Variants in SETDB2 observed in about 807,000 individuals in gnomAD.
The protein encoded by SETDB2 is histone-lysine N-methyltransferase SETDB2.
In SETDB2, 56 loss-of-function variants were observed where a neutral mutation model predicts 82.5. That is an observed-to-expected ratio of 0.68 (90% CI 0.55 to 0.85). The LOEUF (loss-of-function observed/expected upper bound fraction) is 0.85. SETDB2 is among the 40% of genes least tolerant of loss of function. The pLI, the probability that SETDB2 is intolerant of heterozygous loss-of-function variation, is 0.00. For missense variants in SETDB2, 677 were observed against 816.4 expected (o/e 0.83, Z 2.08); for synonymous variants, 272 against 284.9 (o/e 0.95, Z 0.46).
At chr13:49,446,420 C>T (rs1372746316) in intron 1 of SETDB2, 2 of 456,378 alleles carry the variant, frequency 4.4e-6, no homozygotes, top group Non-Finnish European at 8.8e-6. Flanking sequence ...CACTCCTCTC[C>T]CTCCCTACTC....
chr13:49,459,371 G>A (rs1410590453), intron 2 of SETDB2, among the ~76,000 whole-genome samples: 1 of 152,140 alleles, frequency 6.6e-6, no homozygotes, highest in African/African-American at 2.4e-5. Flanking sequence ...TTTCTAAAAT[G>A]CAATTATTAC....
intron 5 of SETDB2, among the ~76,000 whole-genome samples, chr13:49,468,694 A>G (rs1228872602): frequency 6.6e-6 from 1 of 151,312 alleles, no homozygotes; most frequent in Non-Finnish European, 1.5e-5. Flanking sequence ...TTTGATTTTC[A>G]TGCCTGTGAG....
intron 9 of SETDB2, among the ~76,000 whole-genome samples, 195 bp from the exon 10 acceptor site, chr13:49,483,269 T>C (rs73491283): frequency 0.028 from 4,249 of 152,212 alleles, 208 homozygotes; most frequent in African/African-American, 0.098. Context: ...TTCTCTTCCT[T>C]TTCCAAATGT....
At chr13:49,452,237 G>C (rs993744551) in intron 2 of SETDB2, among the ~76,000 whole-genome samples, 1 of 151,856 alleles carries the variant, frequency 6.6e-6, no homozygotes, top group African/African-American at 2.4e-5. Flanking sequence ...ACAGCCTCCT[G>C]AGTAGCTGGG....
At chr13:49,467,808 A>ATAGCAAATGGTTTT in intron 4 of SETDB2, 56 bp from the exon 5 acceptor site, 1 of 1,350,474 alleles carries the variant, frequency 7.4e-7, no homozygotes, top group Non-Finnish European at 1.0e-6. Context: ...TTGGGTACTT[A>ATAGCAAATGGTTTT]TAGCAAATGG....
chr13:49,461,310 T>C (rs1957987822), intron 4 of SETDB2, 148 bp downstream of exon 4: 1 of 566,994 alleles, frequency 1.8e-6, no homozygotes, highest in Non-Finnish European at 3.0e-6. Flanking sequence ...CACAGTTTCC[T>C]CTGTTAAATG....
chr13:49,457,377 A>G (rs1267587784), intron 2 of SETDB2, among the ~76,000 whole-genome samples: 1 of 135,438 alleles, frequency 7.4e-6, no homozygotes, highest in African/African-American at 3.0e-5. Context: ...TTTTTTAATA[A>G]CTCATTTTAA....
intron 1 of SETDB2, among the ~76,000 whole-genome samples, chr13:49,449,011 C>T (rs1343242658): frequency 1.3e-5 from 2 of 152,088 alleles, no homozygotes; most frequent in African/African-American, 2.4e-5. Flanking sequence ...TTATTTGATA[C>T]GTTTCTTCTT....
rs1408214032 is a variant in SETDB2 at position 49,494,013 on chromosome 13, C to G, written c.*2164C>G. The G allele has an allele frequency of 1.3e-5, 2 of 152,100 alleles. No individual in the cohort carries two copies. The highest frequency in any genetic ancestry group is 4.8e-5 in the African/African-American group (2 of 41,416). 9.4% of individuals were successfully genotyped at this position (152,100 alleles called of 1,614,324 possible). A position where few individuals can be genotyped will look rare whatever the true frequency, so the allele number is the denominator to read the frequency against. ...CCATCTCTTCACTGTTTCTGGAATT[C>G]CTGTTTTCCAGATGTTAGACCTCCA... On this transcript the variant is annotated 3_prime_UTR_variant, in exon 14 of 14. Coordinates refer to ENST00000611815, the MANE Select transcript of SETDB2 (RefSeq NM_001160308.3).
chr13:49,463,093 C>A (rs1026365398), intron 4 of SETDB2, among the ~76,000 whole-genome samples: 1 of 152,130 alleles, frequency 6.6e-6, no homozygotes. Context: ...GCAACCTCCC[C>A]CTCCCAGGTT....
At chr13:49,452,065 G>C (rs915423268) in intron 2 of SETDB2, among the ~76,000 whole-genome samples, 156 bp downstream of exon 2, 2 of 151,766 alleles carry the variant, frequency 1.3e-5, no homozygotes, top group Non-Finnish European at 2.9e-5. Context: ...CACCAATTTT[G>C]ACTGTCTTTA....
At chr13:49,480,815 G>A (rs1351484839) in intron 7 of SETDB2, 132 bp from the exon 8 acceptor site, 5 of 807,966 alleles carry the variant, frequency 6.2e-6, no homozygotes, top group Non-Finnish European at 9.7e-6. Context: ...GCTGTGATGG[G>A]AACCCAGGCA....
chr13:49,460,176 A>G lies in SETDB2; in HGVS notation c.86A>G (p.Gln29Arg). Residue 29 changes from glutamine to arginine, a missense_variant, in exon 3 of 14, where the codon CAA becomes CGA. Gln to Arg is a conservative substitution (Grantham distance 43). Around this residue, in one of 3 missense-constraint regions of SETDB2, gnomAD observed 243 missense variants for 237.2 expected, o/e 1.02. Transcript: ENST00000611815. ...GKVDFIFEQV[Q>R]NVLQSLKQKI... ...GTGGACTTCATTTTTGAACAAGTAC[A>G]AAATGTGCTGCAGTCACTGAAACAA... The G allele has an allele frequency of 6.2e-7, 1 of 1,613,496 alleles. No homozygotes were observed. The highest frequency in any genetic ancestry group is 1.3e-5 in the African/African-American group (1 of 75,030).
intron 2 of SETDB2, among the ~76,000 whole-genome samples, chr13:49,457,361 CT>C (rs752477717): frequency 1.8e-3 from 197 of 106,926 alleles, no homozygotes; most frequent in African/African-American, 5.7e-3. Flanking sequence ...ATTTCTAAGA[CT>C]TTTTTTTTTT....
Position 49,467,961 on chromosome 13 carries a change from G to GT in SETDB2, c.305+2dup. 1 of 1,574,536 alleles carries GT rather than the reference G, an allele frequency of 6.4e-7. No homozygotes were observed. The highest frequency in any genetic ancestry group is 8.6e-7 in the Non-Finnish European group (1 of 1,156,594). On this transcript the variant is annotated splice_donor_variant, in intron 5 of 13. Transcript: ENST00000611815. LOFTEE classifies it high-confidence loss of function. ...CCTTTCCAGAAGACTGTACATTTCT[G>GT]TATGTATATAAATTCTTTGTTATTA...
intron 4 of SETDB2, among the ~76,000 whole-genome samples, chr13:49,461,749 A>G (rs1045530676): frequency 1.3e-5 from 2 of 152,208 alleles, no homozygotes; most frequent in African/African-American, 2.4e-5. Flanking sequence ...ACTACTACCC[A>G]GAGTTAGCAC....
Position 49,493,417 on chromosome 13 carries a change from ATCT to A in SETDB2, c.*1573_*1575del, listed in dbSNP as rs1465907214. The A allele has an allele frequency of 6.6e-6, 1 of 152,134 alleles. No individual in the cohort carries two copies. Among genetic ancestry groups the A allele is most frequent in the Non-Finnish European group, 1.5e-5 (1 of 68,020 alleles). The allele number at this position is 152,134 out of a possible 1,614,324, so 9.4% of individuals were successfully genotyped here. On this transcript the variant is annotated 3_prime_UTR_variant, in exon 14 of 14. Transcript: ENST00000611815. ...AAATATGAGGTATTCTGTCAGTTTTATCTTCTTGGAGAAATTTCTCCTAAAATC... is the reference window on the plus strand; with the variant it reads ...AAATATGAGGTATTCTGTCAGTTTTATCTTGGAGAAATTTCTCCTAAAATC...
rs1436002027 is a variant in SETDB2 at position 49,488,359 on chromosome 13, T to C, written c.1646T>C (p.Ile549Thr). ...NLLIESDVID[I>T]TKYREETPPR... ...CTGATTGAATCAGATGTGATAGATA[T>C]AACTAAATATAGAGAAGAAACTCCA... Residue 549 changes from isoleucine to threonine, a missense_variant, in exon 12 of 14, where the codon ATA (isoleucine) becomes ACA (threonine). Physicochemically the swap from Ile to Thr is moderately conservative, Grantham distance 89. Around this residue, in one of 3 missense-constraint regions of SETDB2, gnomAD observed 420 missense variants for 554.6 expected, o/e 0.76. Coordinates refer to ENST00000611815, the MANE Select transcript of SETDB2 (RefSeq NM_001160308.3). 2 of 1,610,744 alleles carry C rather than the reference T, an allele frequency of 1.2e-6. No individual in the cohort carries two copies. The highest frequency in any genetic ancestry group is 8.5e-7 in the Non-Finnish European group (1 of 1,179,296).
At chr13:49,451,223 T>G (rs762094817) in intron 1 of SETDB2, among the ~76,000 whole-genome samples, 38 of 151,062 alleles carry the variant, frequency 2.5e-4, no homozygotes, top group Non-Finnish European at 5.2e-4. Context: ...AATTAAGTCT[T>G]GTCCTCAGAA....
Sources: allele counts gnomAD v4.1 joint callset (sites outside exome capture counted in the v4.1 genomes callset), GRCh38; gene constraint gnomAD v4.1.1; regional missense constraint gnomAD v4.1.1; transcripts MANE v1.5; gene names NCBI Gene and HGNC (gene_info 2026-07-23, HGNC 2026-07-21).